The following DGKI variants were observed in gnomAD, a reference collection of about 807,000 sequenced individuals.
DGKI encodes the protein DAG kinase iota.
DGKI carries 55 observed loss-of-function variants against 147.5 expected under a neutral mutation model. The ratio of observed to expected loss-of-function variants is 0.37; its 90% CI spans 0.30 to 0.47. The LOEUF is 0.47. Among genes scored for constraint, DGKI ranks in the 20% least tolerant of loss-of-function variants. The pLI, the probability that DGKI is intolerant of heterozygous loss-of-function variation, is 1.00. For synonymous variants in DGKI, 469 were observed against 477.1 expected (o/e 0.98, Z 0.22); for missense variants, 1,007 against 1,323.8 (o/e 0.76, Z 3.71).
intron 5 of DGKI, among the ~76,000 whole-genome samples, chr7:137,653,534 A>C (rs1367318191): frequency 6.6e-6 from 1 of 152,076 alleles, no homozygotes. Flanking sequence ...TCTCACTTGG[A>C]CTTGTGTGCT....
intron 1 of DGKI, among the ~76,000 whole-genome samples, chr7:137,737,755 A>G (rs1249532610): frequency 2.6e-5 from 4 of 152,162 alleles, no homozygotes; most frequent in African/African-American, 9.7e-5. Flanking sequence ...TATAAAAGCA[A>G]ATCAATCTGG....
chr7:137,806,635 G>A lies in DGKI; in HGVS notation c.401+39827C>T, dbSNP rs1399293837. Among the ~76,000 whole-genome samples, 4 of 152,018 alleles carry A rather than the reference G, an allele frequency of 2.6e-5. 1 individual carries two copies. The highest frequency in any genetic ancestry group is 4.2e-4 in the South Asian group (2 of 4,816). ...TTTTTAATAGAGATGGGGTTTCACC[G>A]TGTTAGCCAGGATGGTCTCGATCTC... On this transcript the variant is annotated intron_variant, in intron 1 of 32. Transcript: ENST00000614521.
intron 1 of DGKI, among the ~76,000 whole-genome samples, chr7:137,811,392 A>T (rs879812026): frequency 0.36 from 46,416 of 127,322 alleles, 8,274 homozygotes; most frequent in Middle Eastern, 0.46. Flanking sequence ...TCTCACACAC[A>T]CACACACACA....
At chr7:137,443,269 G>A (rs750714470) in intron 28 of DGKI, among the ~76,000 whole-genome samples, 14 of 152,088 alleles carry the variant, frequency 9.2e-5, no homozygotes, top group Admixed American at 3.9e-4. Context: ...AGAGGCCATC[G>A]GAGCAGATTT....
chr7:137,604,233 TC>T (rs1205818431), intron 10 of DGKI, among the ~76,000 whole-genome samples: 2 of 152,218 alleles, frequency 1.3e-5, no homozygotes, highest in Non-Finnish European at 2.9e-5. Flanking sequence ...TCTGCCCTCT[TC>T]CCTGCCTACT....
At chr7:137,470,936 T>C (rs753727109) in intron 23 of DGKI, among the ~76,000 whole-genome samples, 8 of 152,194 alleles carry the variant, frequency 5.3e-5, no homozygotes, top group Non-Finnish European at 1.2e-4. Flanking sequence ...CCAAACTTCC[T>C]TGAAGTCTCA....
At chr7:137,627,257 G>A (rs531508653) in intron 6 of DGKI, among the ~76,000 whole-genome samples, 5 of 152,080 alleles carry the variant, frequency 3.3e-5, no homozygotes, top group East Asian at 1.9e-4. Context: ...GCCTTGCCTC[G>A]TACCTACCCT....
At chr7:137,506,715 G>C (rs1816381270) in intron 21 of DGKI, among the ~76,000 whole-genome samples, 1 of 152,168 alleles carries the variant, frequency 6.6e-6, no homozygotes, top group Admixed American at 6.5e-5. Context: ...GGGGAGGGTT[G>C]AGAGGATATA....
intron 1 of DGKI, among the ~76,000 whole-genome samples, chr7:137,832,489 A>C (rs888623125): frequency 3.9e-5 from 6 of 152,254 alleles, no homozygotes; most frequent in African/African-American, 7.2e-5. Flanking sequence ...CTCAAGCTAT[A>C]CCTTGGCCCC....
intron 6 of DGKI, among the ~76,000 whole-genome samples, chr7:137,643,770 G>A (rs1161297237): frequency 1.3e-5 from 2 of 152,282 alleles, no homozygotes; most frequent in East Asian, 3.9e-4. Flanking sequence ...AGAAGAGAGT[G>A]CAATATGGCA....
intron 27 of DGKI, among the ~76,000 whole-genome samples, chr7:137,446,325 T>C (rs1387395834): frequency 6.6e-6 from 1 of 152,216 alleles, no homozygotes; most frequent in East Asian, 1.9e-4. Flanking sequence ...CATGTTGAGT[T>C]TCCATGTTGA....
rs192107643 is a variant in DGKI at position 137,502,138 on chromosome 7, G to C, written c.2249-14449C>G. 2.0e-5 allele frequency among the ~76,000 whole-genome samples: 3 copies of C among 152,250 alleles called. No homozygotes were observed. The East Asian group carries it at 5.8e-4, about 29-fold the overall frequency. On this transcript the variant is annotated intron_variant, in intron 21 of 32. Coordinates refer to ENST00000614521, the MANE Select transcript of DGKI (RefSeq NM_001321708.2). ...ACCTCTTTCCTTTGTAAATTCCCCA[G>C]TCTCAGGTATGTCTTTGACAGCAGT...
chr7:137,802,502 T>G (rs902961671), intron 1 of DGKI, among the ~76,000 whole-genome samples: 1 of 152,222 alleles, frequency 6.6e-6, no homozygotes, highest in Non-Finnish European at 1.5e-5. Context: ...ATCATAATAA[T>G]CCTCTATTTG....
At chr7:137,668,079 C>G (rs908964206) in intron 3 of DGKI, among the ~76,000 whole-genome samples, 1 of 152,202 alleles carries the variant, frequency 6.6e-6, no homozygotes, top group African/African-American at 2.4e-5. Flanking sequence ...CCAAAGCCAT[C>G]TCTATGTGTT....
intron 21 of DGKI, among the ~76,000 whole-genome samples, chr7:137,501,160 T>C (rs1816157803): frequency 6.6e-6 from 1 of 152,170 alleles, no homozygotes; most frequent in Non-Finnish European, 1.5e-5. Flanking sequence ...TAACATCCTG[T>C]CCTCCAGTTC....
chr7:137,843,084 T>C (rs1244902204), intron 1 of DGKI, among the ~76,000 whole-genome samples: 1 of 152,166 alleles, frequency 6.6e-6, no homozygotes, highest in Non-Finnish European at 1.5e-5. Context: ...TTCAATAAAA[T>C]GGAAATAGTC....
At chr7:137,394,198 C>T (rs1811464512) in intron 32 of DGKI, among the ~76,000 whole-genome samples, 1 of 152,118 alleles carries the variant, frequency 6.6e-6, no homozygotes, top group Non-Finnish European at 1.5e-5. Flanking sequence ...ACCCACAGCC[C>T]GCAAGCCATA....
intron 13 of DGKI, among the ~76,000 whole-genome samples, chr7:137,586,721 T>C (rs1819414975): frequency 2.6e-5 from 4 of 152,004 alleles, no homozygotes; most frequent in Admixed American, 2.6e-4. Flanking sequence ...GTAAGGTGTG[T>C]AAAGTTGAAC....
intron 10 of DGKI, among the ~76,000 whole-genome samples, chr7:137,601,293 T>C (rs1220129873): frequency 1.3e-5 from 2 of 150,204 alleles, no homozygotes; most frequent in African/African-American, 2.4e-5. Flanking sequence ...GAAAAAGAAA[T>C]GCAAGAAGGA....
Sources: gnomAD v4.1 joint callset for allele counts (sites outside exome capture counted in the v4.1 genomes callset) on GRCh38, gnomAD v4.1.1 for gene constraint, MANE v1.5 for transcripts, NCBI Gene and HGNC (gene_info 2026-07-23, HGNC 2026-07-21) for gene names.